Variants in PRKN observed in about 807,000 individuals in gnomAD.
PRKN encodes parkin RBR E3 ubiquitin protein ligase.
Under a neutral mutation model 59.5 loss-of-function variants are expected in PRKN, and 56 were observed. That is an observed-to-expected ratio of 0.94 (90% CI 0.76 to 1.18). PRKN has a LOEUF of 1.18. Among genes scored for constraint, PRKN ranks in the 50% most tolerant of loss-of-function variants. The pLI is 0.00. For missense variants in PRKN, 657 were observed against 596.4 expected (o/e 1.10, Z -1.06); for synonymous variants, 250 against 222.1 (o/e 1.13, Z -1.12).
intron 1 of PRKN, among the ~76,000 whole-genome samples, chr6:162,599,270 C>T (rs1343226326): frequency 2.0e-5 from 3 of 152,062 alleles, no homozygotes; most frequent in African/African-American, 7.2e-5. Context: ...GATAATGACA[C>T]TTCCCCTAAA....
intron 3 of PRKN, among the ~76,000 whole-genome samples, chr6:162,225,412 A>ATTGTGGTT (rs1778126802): frequency 6.6e-6 from 1 of 152,202 alleles, no homozygotes; most frequent in Non-Finnish European, 1.5e-5. Flanking sequence ...GAACTTGAGA[A>ATTGTGGTT]ATTCAGGCTT....
intron 5 of PRKN, among the ~76,000 whole-genome samples, chr6:162,021,140 AT>A (rs1445726159): frequency 0.25 from 12,797 of 51,166 alleles, 2,488 homozygotes; most frequent in African/African-American, 0.4. Flanking sequence ...ATATATATAT[AT>A]ATATATATAT....
intron 1 of PRKN, among the ~76,000 whole-genome samples, chr6:162,636,629 T>C (rs1282341716): frequency 6.6e-6 from 1 of 152,170 alleles, no homozygotes; most frequent in East Asian, 1.9e-4. Context: ...GTGACTTGTG[T>C]AAACAGTGAC....
chr6:162,506,119 G>A (rs1231853027), intron 1 of PRKN, among the ~76,000 whole-genome samples: 1 of 152,104 alleles, frequency 6.6e-6, no homozygotes, highest in Non-Finnish European at 1.5e-5. Context: ...TATATGGAAT[G>A]AAATCTGAAT....
At chr6:162,127,914 G>C (rs1023863456) in intron 4 of PRKN, among the ~76,000 whole-genome samples, 8 of 152,142 alleles carry the variant, frequency 5.3e-5, no homozygotes, top group African/African-American at 1.7e-4. Context: ...GGCAGTATGA[G>C]AGCTCTGTAC....
chr6:162,262,542 G>C lies in PRKN; in HGVS notation c.395C>G (p.Pro132Arg). The change falls in exon 3 of 12, where the codon CCA becomes CGA. Residue 132 changes from proline (P) to arginine (R), a missense_variant. By Grantham distance (103) the Pro-to-Arg change is moderately radical (BLOSUM62 -2). Transcript: ENST00000366898. ...CCAATTACCTGGACTTCCAGCTGGT[G>C]GTGAGTCCTTCCTGCTGTCAGTGTG... ...ILHTDSRKDS[P>R]PAGSPAGRSI... 6.2e-7 allele frequency: 1 copy of C among 1,614,002 alleles called. No individual in the cohort carries two copies. The highest frequency in any genetic ancestry group is 8.5e-7 in the Non-Finnish European group (1 of 1,179,964).
At chr6:162,211,207 A>G (rs901249960) in intron 3 of PRKN, among the ~76,000 whole-genome samples, 1 of 152,178 alleles carries the variant, frequency 6.6e-6, no homozygotes, top group Admixed American at 6.5e-5. Context: ...ATCGGCAATT[A>G]TGGACCCAGG....
At chr6:161,653,601 T>C (rs1170481466) in intron 7 of PRKN, among the ~76,000 whole-genome samples, 2 of 152,194 alleles carry the variant, frequency 1.3e-5, no homozygotes, top group African/African-American at 4.8e-5. Flanking sequence ...AACTGCAACA[T>C]TCTCTCTAGC....
At chr6:162,294,962 C>T (rs1403104709) in intron 2 of PRKN, among the ~76,000 whole-genome samples, 1 of 152,150 alleles carries the variant, frequency 6.6e-6, no homozygotes, top group African/African-American at 2.4e-5. Context: ...GATCACTAAC[C>T]CTAGTAACCA....
At position 161,467,105 on chromosome 6, in the gene PRKN, T is replaced by G. The variant is rs1396290552; in HGVS notation, c.1084-80228A>C. On this transcript the variant is annotated intron_variant, in intron 9 of 11. Coordinates refer to ENST00000366898, the MANE Select transcript of PRKN (RefSeq NM_004562.3). This position sits in a 1 kb window ranked among gnomAD's most constrained non-coding sequence, Gnocchi z 4.3. ...ACTGTTGCCTCTGGATTAAAAAGCC[T>G]CTCTCATTACTGCTCATCAGTGTCC... 6.6e-6 allele frequency among the ~76,000 whole-genome samples: 1 copy of G among 152,232 alleles called. No individual in the cohort carries two copies. Among genetic ancestry groups the G allele is most frequent in the East Asian group, 1.9e-4 (1 of 5,192 alleles).
In PRKN at chr6:161,579,772, A is replaced by G. The variant is rs1377718049; in HGVS notation, c.872-10356T>C. Among the ~76,000 whole-genome samples the G allele has an allele frequency of 1.3e-5, 2 of 152,170 alleles. No individual in the cohort carries two copies. The highest frequency in any genetic ancestry group is 2.9e-5 in the Non-Finnish European group (2 of 68,008). The stretch of plus-strand genomic sequence containing the variant: ...GGCAGGGGAACAGAAAAGAGTTTAT[A>G]GTTTTACAAGTACTTAATGGTATTT... On this transcript the variant is annotated intron_variant, in intron 7 of 11. Transcript: ENST00000366898. The surrounding 1 kb of genome is among the most constrained non-coding windows in gnomAD (Gnocchi z 4.2).
intron 6 of PRKN, among the ~76,000 whole-genome samples, chr6:161,806,088 T>C (rs893259327): frequency 2.0e-5 from 3 of 152,176 alleles, no homozygotes; most frequent in African/African-American, 7.2e-5. Context: ...ATCGTAAATA[T>C]TGGAGATTCA....
chr6:161,600,108 G>C (rs1782055164), intron 7 of PRKN, among the ~76,000 whole-genome samples: 1 of 152,176 alleles, frequency 6.6e-6, no homozygotes, highest in Non-Finnish European at 1.5e-5. Context: ...TCTGGGTATT[G>C]AATCCTTAGA....
intron 4 of PRKN, among the ~76,000 whole-genome samples, chr6:162,146,571 C>A (rs957766164): frequency 6.6e-6 from 1 of 151,898 alleles, no homozygotes; most frequent in East Asian, 1.9e-4. Flanking sequence ...GTTGCACCAT[C>A]TCAGCTCACT....
At chr6:161,671,482 A>G (rs145428139) in intron 7 of PRKN, among the ~76,000 whole-genome samples, 140 of 152,256 alleles carry the variant, frequency 9.2e-4, no homozygotes, top group African/African-American at 3.2e-3. Flanking sequence ...CAACATTTTA[A>G]TGCTCCATAT....
At chr6:162,604,184 A>G (rs1781816627) in intron 1 of PRKN, among the ~76,000 whole-genome samples, 1 of 152,190 alleles carries the variant, frequency 6.6e-6, no homozygotes, top group Non-Finnish European at 1.5e-5. Flanking sequence ...CATGGCAAGT[A>G]CCTGCTTTCA....
intron 1 of PRKN, among the ~76,000 whole-genome samples, chr6:162,515,673 T>C (rs1044027388): frequency 1.3e-5 from 2 of 152,172 alleles, no homozygotes; most frequent in Non-Finnish European, 2.9e-5. Context: ...CTGGTTTTAC[T>C]TATTCAAATT....
chr6:162,079,693 C>T (rs1016392709), intron 4 of PRKN, among the ~76,000 whole-genome samples: 2 of 152,040 alleles, frequency 1.3e-5, no homozygotes, highest in Admixed American at 6.6e-5. Context: ...TCTCCACCCA[C>T]CTTATTGTCA....
intron 2 of PRKN, among the ~76,000 whole-genome samples, chr6:162,287,688 T>G (rs1382782629): frequency 6.6e-6 from 1 of 152,212 alleles, no homozygotes; most frequent in East Asian, 1.9e-4. Flanking sequence ...TTATTTACCA[T>G]GGAAGACTTC....
Sources: gnomAD v4.1 joint callset for allele counts (sites outside exome capture counted in the v4.1 genomes callset) on GRCh38, gnomAD v4.1.1 for gene constraint, Gnocchi (gnomAD v3.1) non-coding constraint, MANE v1.5 for transcripts, NCBI Gene and HGNC (gene_info 2026-07-23, HGNC 2026-07-21) for gene names.